Variants in CTNNA3 observed in about 807,000 individuals in gnomAD.
The protein encoded by CTNNA3 is catenin alpha-3.
In CTNNA3, 76 loss-of-function variants were observed where a neutral mutation model predicts 95.7. The ratio of observed to expected loss-of-function variants is 0.79; its 90% CI spans 0.66 to 0.96. The LOEUF is 0.96. Ranked by LOEUF, CTNNA3 falls within the 40% of genes least tolerant of loss-of-function variation. The probability of loss-of-function intolerance (pLI) is 0.00; values close to 1 mark genes in which losing one functional copy is unlikely to be tolerated. For missense variants in CTNNA3, 1,191 were observed against 1,089.8 expected, an observed-to-expected ratio of 1.09 and a Z score of -1.31; for synonymous variants, 431 against 374.4, an observed-to-expected ratio of 1.15 and a Z score of -1.74.
chr10:67,302,475 G>A (rs1022749876), intron 5 of CTNNA3, among the ~76,000 whole-genome samples: 9 of 151,998 alleles, frequency 5.9e-5, no homozygotes, highest in African/African-American at 1.5e-4. Context: ...GTATCAATTC[G>A]CTTGACTGAG....
chr10:67,707,288 A>G (rs1281755655), intron 1 of CTNNA3, among the ~76,000 whole-genome samples: 3 of 152,302 alleles, frequency 2.0e-5, no homozygotes, highest in African/African-American at 7.2e-5. Context: ...CAAGACCTTG[A>G]TGATCTGGCT....
intron 16 of CTNNA3, among the ~76,000 whole-genome samples, chr10:65,974,782 AAATT>A (rs1239913104): frequency 1.3e-5 from 2 of 151,968 alleles, no homozygotes; most frequent in Non-Finnish European, 2.9e-5. Flanking sequence ...GGGTTAAAAA[AAATT>A]AAAAGATGCT....
intron 4 of CTNNA3, among the ~76,000 whole-genome samples, chr10:67,527,967 A>T (rs1339645513): frequency 6.6e-6 from 1 of 152,136 alleles, no homozygotes; most frequent in Non-Finnish European, 1.5e-5. Flanking sequence ...GCTCCTGCTC[A>T]TTCTGCTCAT....
intron 12 of CTNNA3, among the ~76,000 whole-genome samples, chr10:66,371,118 C>T (rs1197863855): frequency 6.6e-6 from 1 of 152,088 alleles, no homozygotes; most frequent in Non-Finnish European, 1.5e-5. Context: ...AGTACCCATT[C>T]CGTTGGATTT....
At chr10:66,106,490 T>C (rs1321252222) in intron 13 of CTNNA3, among the ~76,000 whole-genome samples, 2 of 152,086 alleles carry the variant, frequency 1.3e-5, no homozygotes, top group East Asian at 3.9e-4. Context: ...TCTGGTCCTC[T>C]AATGAGTGAT....
intron 13 of CTNNA3, among the ~76,000 whole-genome samples, chr10:66,215,336 T>G (rs2088459516): frequency 6.6e-6 from 1 of 152,198 alleles, no homozygotes; most frequent in Admixed American, 6.5e-5. Flanking sequence ...TGCTATGCCC[T>G]TTACATCAGT....
intron 13 of CTNNA3, among the ~76,000 whole-genome samples, chr10:66,181,143 A>G (rs2086018700): frequency 1.3e-5 from 2 of 152,326 alleles, no homozygotes; most frequent in South Asian, 4.1e-4. Flanking sequence ...ACTTATGTGG[A>G]CTTCAAAATG....
chr10:67,729,945 A>G (rs1184334496), intron 1 of CTNNA3, among the ~76,000 whole-genome samples: 2 of 152,188 alleles, frequency 1.3e-5, no homozygotes. Context: ...CTTTCAAGTC[A>G]TTTTGAGATT....
At chr10:66,645,549 TC>T (rs1353722349) in intron 9 of CTNNA3, among the ~76,000 whole-genome samples, 2 of 152,096 alleles carry the variant, frequency 1.3e-5, no homozygotes, top group Non-Finnish European at 2.9e-5. Context: ...TATTTATGGG[TC>T]CCCTATTCCA....
At chr10:67,036,285 T>C (rs924551201) in intron 7 of CTNNA3, among the ~76,000 whole-genome samples, 24 of 152,016 alleles carry the variant, frequency 1.6e-4, no homozygotes, top group Admixed American at 9.8e-4. Flanking sequence ...CTTTTTTTTT[T>C]TGAGACAGAG....
intron 7 of CTNNA3, among the ~76,000 whole-genome samples, chr10:66,898,018 C>T (rs1845570458): frequency 1.3e-5 from 2 of 152,066 alleles, no homozygotes; most frequent in Non-Finnish European, 2.9e-5. Flanking sequence ...GTGCTAATGA[C>T]TAGTGGAATC....
intron 10 of CTNNA3, among the ~76,000 whole-genome samples, chr10:66,524,533 T>TA (rs35543530): frequency 6.6e-6 from 1 of 152,032 alleles, no homozygotes; most frequent in South Asian, 2.1e-4. Context: ...AGGTTTGACA[T>TA]AAAAAGTTGT....
chr10:66,925,745 T>C (rs1009406451), intron 7 of CTNNA3, among the ~76,000 whole-genome samples: 16 of 152,228 alleles, frequency 1.1e-4, no homozygotes, highest in Admixed American at 9.2e-4. Context: ...GTGAACTTAA[T>C]GTCAAGCTCC....
chr10:67,518,663 A>G (rs1839893987), intron 5 of CTNNA3, among the ~76,000 whole-genome samples: 2 of 152,108 alleles, frequency 1.3e-5, no homozygotes, highest in African/African-American at 4.8e-5. Context: ...GTAGATAAAG[A>G]GAGGAATGAA....
intron 13 of CTNNA3, among the ~76,000 whole-genome samples, chr10:66,196,064 T>C (rs1338967232): frequency 6.6e-6 from 1 of 152,138 alleles, no homozygotes; most frequent in Non-Finnish European, 1.5e-5. Flanking sequence ...GAAAATAATA[T>C]AATGTTTACA....
intron 7 of CTNNA3, among the ~76,000 whole-genome samples, chr10:67,026,099 G>T (rs1015152112): frequency 2.0e-5 from 3 of 146,370 alleles, no homozygotes; most frequent in African/African-American, 7.6e-5. Flanking sequence ...CACACTCTGG[G>T]GACTGTTGTG....
At chr10:67,611,601 C>A in intron 2 of CTNNA3, among the ~76,000 whole-genome samples, 2 of 152,168 alleles carry the variant, frequency 1.3e-5, no homozygotes, top group Non-Finnish European at 2.9e-5. Flanking sequence ...CAGGCGTGAG[C>A]CACTGCGCCT....
chr10:66,069,208 G>T (rs1311104148), intron 15 of CTNNA3, 100 bp downstream of exon 15: 2 of 1,173,632 alleles, frequency 1.7e-6, no homozygotes, highest in East Asian at 2.4e-5. Context: ...CCTACCACCT[G>T]ATTTTTGGCA....
chr10:66,310,404 C>A (rs1026721477), intron 12 of CTNNA3, among the ~76,000 whole-genome samples: 1 of 152,102 alleles, frequency 6.6e-6, no homozygotes, highest in Non-Finnish European at 1.5e-5. Flanking sequence ...TAGTTCAGTA[C>A]CCCACGATCC....
Sources: allele counts gnomAD v4.1 joint callset (sites outside exome capture counted in the v4.1 genomes callset), GRCh38; gene constraint gnomAD v4.1.1; transcripts MANE v1.5; gene names NCBI Gene and HGNC (gene_info 2026-07-23, HGNC 2026-07-21).